Variants in GPHN observed in about 807,000 individuals in gnomAD.
The protein encoded by GPHN is gephyrin.
In GPHN, 17 loss-of-function variants were observed where a neutral mutation model predicts 95.5. The ratio of observed to expected loss-of-function variants is 0.18; its 90% CI spans 0.12 to 0.27. The LOEUF is 0.27. GPHN is among the 10% of genes least tolerant of loss of function. The pLI is 1.00. For synonymous variants in GPHN, 320 were observed against 322.5 expected, an observed-to-expected ratio of 0.99 and a Z score of 0.08; for missense variants, 660 against 978.1, an observed-to-expected ratio of 0.67 and a Z score of 4.34.
At chr14:67,288,479 G>A in the GPHN span, among the ~76,000 whole-genome samples, 178 of 152,248 alleles carry the variant, frequency 1.2e-3, no homozygotes, top group East Asian at 2.3e-3. Context: ...ATTTCTTGAC[G>A]CCAGGAGTTA....
chr14:66,639,656 G>A (rs2064286295), intron 1 of GPHN, among the ~76,000 whole-genome samples: 1 of 151,574 alleles, frequency 6.6e-6, no homozygotes, highest in East Asian at 1.9e-4. Flanking sequence ...AGACCTTGAA[G>A]CTTATTTTAA....
At chr14:66,564,501 C>G (rs1239842650) in intron 1 of GPHN, among the ~76,000 whole-genome samples, 4 of 152,028 alleles carry the variant, frequency 2.6e-5, no homozygotes, top group African/African-American at 9.7e-5. Context: ...TATAGTCATC[C>G]CTTTTATTTA....
chr14:67,226,335 A>G, the GPHN span, among the ~76,000 whole-genome samples: 1 of 136,232 alleles, frequency 7.3e-6, no homozygotes, highest in African/African-American at 2.8e-5. Flanking sequence ...GGGATTACAG[A>G]CAAGCACCAC....
chr14:66,549,871 A>G (rs571779387), intron 1 of GPHN, among the ~76,000 whole-genome samples: 4 of 152,360 alleles, frequency 2.6e-5, no homozygotes, highest in African/African-American at 9.6e-5. Context: ...TAAAGGGAAC[A>G]ACAAAGCCTG....
the GPHN span, among the ~76,000 whole-genome samples, chr14:67,675,554 C>G: frequency 6.8e-6 from 1 of 146,608 alleles, no homozygotes; most frequent in African/African-American, 2.4e-5. Flanking sequence ...CTGCTAGGCC[C>G]GAGTAATTCT....
chr14:66,955,997 A>G (rs375524883), intron 8 of GPHN, among the ~76,000 whole-genome samples: 2 of 152,184 alleles, frequency 1.3e-5, no homozygotes, highest in East Asian at 1.9e-4. Flanking sequence ...GCTATTGTGA[A>G]TAGTGCCACA....
At chr14:67,258,144 A>G in the GPHN span, among the ~76,000 whole-genome samples, 1 of 152,040 alleles carries the variant, frequency 6.6e-6, no homozygotes, top group Admixed American at 6.6e-5. Flanking sequence ...GCATACATAG[A>G]TAGCAGTGTG....
At chr14:67,011,347 A>G (rs1411538099) in intron 9 of GPHN, among the ~76,000 whole-genome samples, 1 of 151,708 alleles carries the variant, frequency 6.6e-6, no homozygotes, top group African/African-American at 2.4e-5. Context: ...CCAAGGCAGG[A>G]GAATCACTTG....
chr14:67,100,059 A>T (rs1005534508), intron 12 of GPHN, among the ~76,000 whole-genome samples: 29 of 152,070 alleles, frequency 1.9e-4, no homozygotes, highest in Middle Eastern at 3.4e-3. Context: ...TTTTTAATAA[A>T]TTTTTTATCC....
the GPHN span, among the ~76,000 whole-genome samples, chr14:67,480,436 A>G: frequency 2.0e-5 from 3 of 152,122 alleles, no homozygotes; most frequent in Non-Finnish European, 4.4e-5. Context: ...ATGGAAGAGG[A>G]AGGGTGTCAG....
chr14:67,255,018 G>C, the GPHN span, among the ~76,000 whole-genome samples: 1 of 152,064 alleles, frequency 6.6e-6, no homozygotes, highest in Non-Finnish European at 1.5e-5. Flanking sequence ...GTGTGGTGGC[G>C]CACGCCTGTA....
intron 8 of GPHN, among the ~76,000 whole-genome samples, chr14:66,960,761 A>G (rs1302095396): frequency 6.6e-6 from 1 of 152,124 alleles, no homozygotes; most frequent in Non-Finnish European, 1.5e-5. Flanking sequence ...GTGAGAGAAT[A>G]GAACCTTCTC....
At chr14:67,473,904 AGGGGCTCGGCAGACGCCATGGCGCCGACT>A in the GPHN span, 2 of 1,606,160 alleles carry the variant, frequency 1.2e-6, no homozygotes, top group Non-Finnish European at 1.7e-6. This position sits in a 1 kb window ranked among gnomAD's most constrained non-coding sequence, Gnocchi z 6.5. Flanking sequence ...CAGCGCCGTC[AGGGGCTCGGCAGACGCCATGGCGCCGACT>A]GGGGCTGGCT....
the GPHN span, among the ~76,000 whole-genome samples, chr14:67,276,145 G>A: frequency 6.6e-6 from 1 of 152,088 alleles, no homozygotes; most frequent in Non-Finnish European, 1.5e-5. Context: ...AAAAATGAAT[G>A]TGATCATGTC....
At chr14:67,691,178 G>T in the GPHN span, 1 of 1,613,990 alleles carries the variant, frequency 6.2e-7, no homozygotes, top group Non-Finnish European at 8.5e-7. Flanking sequence ...AAAGCCATCT[G>T]CTGTCTTCGA....
the GPHN span, among the ~76,000 whole-genome samples, chr14:67,666,570 A>G: frequency 6.6e-6 from 1 of 152,240 alleles, no homozygotes; most frequent in Non-Finnish European, 1.5e-5. Flanking sequence ...ATAATTCAAG[A>G]GACTGATCTC....
chr14:67,331,339 G>T, the GPHN span, among the ~76,000 whole-genome samples: 1 of 152,234 alleles, frequency 6.6e-6, no homozygotes, highest in South Asian at 2.1e-4. Flanking sequence ...GAGCCCCTGC[G>T]CTGGTATTGG....
At chr14:67,045,435 T>TTGTCTCTCTCTGTCTC (rs954941379) in intron 10 of GPHN, among the ~76,000 whole-genome samples, 1 of 151,566 alleles carries the variant, frequency 6.6e-6, no homozygotes, top group Non-Finnish European at 1.5e-5. Context: ...CTTTCTGTCT[T>TTGTCTCTCTCTGTCTC]TGTCTCTCTC....
At chr14:67,169,142 G>T in intron 21 of GPHN, 106 bp downstream of exon 21, 1 of 767,518 alleles carries the variant, frequency 1.3e-6, no homozygotes, top group Non-Finnish European at 2.3e-6. Context: ...TATTAGTTTT[G>T]ATGGAAAATG....
Sources: gnomAD v4.1 joint callset for allele counts (sites outside exome capture counted in the v4.1 genomes callset) on GRCh38, gnomAD v4.1.1 for gene constraint, Gnocchi (gnomAD v3.1) non-coding constraint, MANE v1.5 for transcripts, NCBI Gene and HGNC (gene_info 2026-07-23, HGNC 2026-07-21) for gene names.